CDK19: variants seen among roughly 807,000 people sequenced by gnomAD.
CDK19 encodes cyclin dependent kinase 19.
A neutral mutation model predicts 68.3 loss-of-function variants in CDK19; 20 were observed. That is an observed-to-expected ratio of 0.29 (90% CI 0.21 to 0.43). The LOEUF is 0.43. Ranked by LOEUF, CDK19 falls within the 20% of genes least tolerant of loss-of-function variation. CDK19 has a pLI of 1.00. For synonymous variants in CDK19, 221 were observed against 222.8 expected, an observed-to-expected ratio of 0.99 and a Z score of 0.07; for missense variants, 339 against 623.5, an observed-to-expected ratio of 0.54 and a Z score of 4.86.
At chr6:110,751,583 A>G (rs1230157487) in intron 1 of CDK19, among the ~76,000 whole-genome samples, 1 of 152,170 alleles carries the variant, frequency 6.6e-6, no homozygotes. Flanking sequence ...AATGTAATGC[A>G]CTTGAATCAT....
intron 4 of CDK19, chr6:110,646,285 T>C (rs1780568718): frequency 1.3e-6 from 2 of 1,507,784 alleles, no homozygotes; most frequent in Non-Finnish European, 1.8e-6. Context: ...CCCGCCAACA[T>C]GTGCAAGCAC....
At chr6:110,698,504 A>T (rs747423684) in intron 2 of CDK19, among the ~76,000 whole-genome samples, 2 of 152,198 alleles carry the variant, frequency 1.3e-5, no homozygotes, top group Admixed American at 6.5e-5. Flanking sequence ...GCCAAAAAAC[A>T]ATAGATGTTG....
rs533624191 is a variant in CDK19, at chr6:110,815,149, C to G, written c.-13G>C. On this transcript the variant is annotated 5_prime_UTR_variant, in exon 1 of 13. Transcript: ENST00000368911. ...AATCATAATCCATTGTCTGCTTCCC[C>G]CATAGAGGCACGGGACGCGGGGGCC... The G allele has an allele frequency of 1.3e-6, 2 of 1,580,266 alleles. No individual in the cohort carries two copies. The highest frequency in any genetic ancestry group is 5.0e-5 in the East Asian group (2 of 39,912).
chr6:110,785,553 T>C (rs1486842158), intron 1 of CDK19, among the ~76,000 whole-genome samples: 1 of 152,216 alleles, frequency 6.6e-6, no homozygotes, highest in Non-Finnish European at 1.5e-5. Context: ...GTAAAGTTCT[T>C]CATCCTCATT....
intron 2 of CDK19, among the ~76,000 whole-genome samples, chr6:110,707,400 T>C (rs568276074): frequency 2.2e-4 from 33 of 152,128 alleles, no homozygotes; most frequent in Non-Finnish European, 1.5e-4. Context: ...AGCCAATAAA[T>C]GGCAGAACAG....
intron 2 of CDK19, among the ~76,000 whole-genome samples, chr6:110,720,852 G>GCT (rs1775820844): frequency 1.3e-5 from 2 of 148,870 alleles, no homozygotes; most frequent in South Asian, 4.3e-4. Flanking sequence ...TGAATAACAG[G>GCT]GCTAGACTCT....
At chr6:110,754,540 C>A (rs964745131) in intron 1 of CDK19, among the ~76,000 whole-genome samples, 2 of 150,538 alleles carry the variant, frequency 1.3e-5, no homozygotes, top group Non-Finnish European at 3.0e-5. Flanking sequence ...AGTGCAGTGG[C>A]TCAATCTCAG....
intron 1 of CDK19, among the ~76,000 whole-genome samples, chr6:110,777,876 C>T (rs972087733): frequency 6.6e-6 from 1 of 152,104 alleles, no homozygotes; most frequent in Non-Finnish European, 1.5e-5. Flanking sequence ...TCATATAAGC[C>T]CTCACAAAAG....
Position 110,786,469 on chromosome 6 carries a change from G to C in CDK19, c.128+28540C>G, listed in dbSNP as rs75635284. Among the ~76,000 whole-genome samples the C allele has an allele frequency of 9.1e-3, 1,378 of 152,204 alleles. 19 individuals are homozygous for C. Among genetic ancestry groups the C allele is most frequent in the African/African-American group, 0.031 (1,298 of 41,544 alleles). On this transcript the variant is annotated intron_variant, in intron 1 of 12. Transcript: ENST00000368911. ...CTGTTTTCTCCAGCAGGAATGTATTGTTTTGAGCTTGATGGCTTCTGTGGC... is the reference window on the plus strand; with the variant it reads ...CTGTTTTCTCCAGCAGGAATGTATTCTTTTGAGCTTGATGGCTTCTGTGGC...
chr6:110,769,850 G>A (rs1307001381), intron 1 of CDK19, among the ~76,000 whole-genome samples: 1 of 152,052 alleles, frequency 6.6e-6, no homozygotes, highest in Admixed American at 6.6e-5. Context: ...AGTCAGATTA[G>A]CTAAACAAAT....
At chr6:110,751,249 G>A (rs985515932) in intron 1 of CDK19, among the ~76,000 whole-genome samples, 3 of 152,122 alleles carry the variant, frequency 2.0e-5, no homozygotes, top group African/African-American at 7.2e-5. Context: ...AGTGGTGGGC[G>A]AGCAAGCAAT....
intron 1 of CDK19, among the ~76,000 whole-genome samples, chr6:110,789,090 C>T (rs1002991229): frequency 2.0e-5 from 3 of 152,098 alleles, no homozygotes; most frequent in African/African-American, 7.2e-5. Context: ...ATCTGCAACA[C>T]TTGAGCTCAC....
At chr6:110,631,943 G>T (rs535245570) in intron 6 of CDK19, 87 bp downstream of exon 6, 1 of 1,258,788 alleles carries the variant, frequency 7.9e-7, no homozygotes, top group African/African-American at 1.5e-5. Context: ...GTATAAAATG[G>T]TTTTTATCAA....
intron 2 of CDK19, among the ~76,000 whole-genome samples, chr6:110,716,221 A>T (rs184295912): frequency 6.6e-6 from 1 of 152,334 alleles, no homozygotes. Context: ...ATGCTCAAGT[A>T]TAAGGAAAAC....
At chr6:110,749,351 A>G (rs918160087) in intron 1 of CDK19, among the ~76,000 whole-genome samples, 3 of 152,174 alleles carry the variant, frequency 2.0e-5, no homozygotes, top group Non-Finnish European at 4.4e-5. Flanking sequence ...GACCAATTCT[A>G]TTAGGTCTTC....
At chr6:110,743,240 AAAAT>A (rs1394596540) in intron 2 of CDK19, among the ~76,000 whole-genome samples, 6 of 152,234 alleles carry the variant, frequency 3.9e-5, no homozygotes, top group African/African-American at 1.4e-4. Flanking sequence ...AACTTGTGTG[AAAAT>A]CCCTATCATG....
chr6:110,752,220 C>T (rs1373822392), intron 1 of CDK19, among the ~76,000 whole-genome samples: 7 of 151,326 alleles, frequency 4.6e-5, no homozygotes, highest in Admixed American at 3.9e-4. Context: ...TGAAATTTTT[C>T]AAAAATAAAT....
intron 2 of CDK19, among the ~76,000 whole-genome samples, chr6:110,676,389 A>G (rs1771537501): frequency 6.6e-6 from 1 of 152,258 alleles, no homozygotes. Context: ...GGAATATTAC[A>G]TAAACTTAGT....
chr6:110,813,704 A>G (rs1783306375), intron 1 of CDK19: 1 of 134,872 alleles, frequency 7.4e-6, no homozygotes. Context: ...TTATGACAAA[A>G]CACTTTATAA....
Sources: allele counts gnomAD v4.1 joint callset (sites outside exome capture counted in the v4.1 genomes callset), GRCh38; gene constraint gnomAD v4.1.1; transcripts MANE v1.5; gene names NCBI Gene and HGNC (gene_info 2026-07-23, HGNC 2026-07-21).